The following TBC1D16 variants were observed in gnomAD, a reference collection of about 807,000 sequenced individuals.
The protein encoded by TBC1D16 is TBC1 domain family member 16.
Under a neutral mutation model 74.7 loss-of-function variants are expected in TBC1D16, and 58 were observed. That is an observed-to-expected ratio of 0.78 (90% CI 0.63 to 0.97). The LOEUF is 0.97. Ranked by LOEUF, TBC1D16 falls within the 50% of genes least tolerant of loss-of-function variation. The pLI, the probability that TBC1D16 is intolerant of heterozygous loss-of-function variation, is 0.00. For missense variants in TBC1D16, 1,014 were observed against 1,079.5 expected (o/e 0.94, Z 0.85); for synonymous variants, 493 against 474.7 (o/e 1.04, Z -0.50).
At chr17:79,978,521 C>G (rs2034439339) in intron 3 of TBC1D16, among the ~76,000 whole-genome samples, 1 of 152,234 alleles carries the variant, frequency 6.6e-6, no homozygotes, top group Non-Finnish European at 1.5e-5. Flanking sequence ...TGTACCAGGC[C>G]TTTGAGTGCT....
intron 7 of TBC1D16, among the ~76,000 whole-genome samples, chr17:79,949,311 A>T (rs1209642501): frequency 1.3e-5 from 2 of 152,214 alleles, no homozygotes; most frequent in Non-Finnish European, 2.9e-5. Flanking sequence ...AGCACAGCCC[A>T]GGGGCTTCAC....
At chr17:80,016,717 C>A (rs1295708353) in intron 1 of TBC1D16, among the ~76,000 whole-genome samples, 11 of 152,138 alleles carry the variant, frequency 7.2e-5, no homozygotes, top group Admixed American at 7.2e-4. Context: ...CAGGACCAGG[C>A]GGCTCAGCGC....
At position 80,001,929 on chromosome 17, in the gene TBC1D16, T is replaced by A. The variant is rs1470478030; in HGVS notation, c.779+8231A>T. 6.6e-6 allele frequency among the ~76,000 whole-genome samples: 1 copy of A among 152,098 alleles called. No individual in the cohort carries two copies. The highest frequency in any genetic ancestry group is 1.5e-5 in the Non-Finnish European group (1 of 68,016). On this transcript the variant is annotated intron_variant, in intron 3 of 11. Transcript: ENST00000310924. The surrounding 1 kb of genome is among the most constrained non-coding windows in gnomAD (Gnocchi z 5.8). ...AGGCTCTGATTTGCTGGGCAGCTGCTGCGCCCCGGAACAAAGACGGGAAGG... is the reference window on the plus strand; with the variant it reads ...AGGCTCTGATTTGCTGGGCAGCTGCAGCGCCCCGGAACAAAGACGGGAAGG...
chr17:79,969,435 C>A (rs2033983952), intron 3 of TBC1D16, among the ~76,000 whole-genome samples: 2 of 152,008 alleles, frequency 1.3e-5, no homozygotes, highest in African/African-American at 4.8e-5. Flanking sequence ...GTTGAGATAC[C>A]ACTCCACACC....
rs2035503345 is a variant in TBC1D16 at position 80,001,947 on chromosome 17, C to T, written c.779+8213G>A. Among the ~76,000 whole-genome samples, 1 of 152,132 alleles carries T rather than the reference C, an allele frequency of 6.6e-6. No homozygotes were observed. Among genetic ancestry groups the T allele is most frequent in the Non-Finnish European group, 1.5e-5 (1 of 68,034 alleles). On this transcript the variant is annotated intron_variant, in intron 3 of 11. Coordinates refer to ENST00000310924, the MANE Select transcript of TBC1D16 (RefSeq NM_019020.4). This position sits in a 1 kb window ranked among gnomAD's most constrained non-coding sequence, Gnocchi z 5.8. ...CAGCTGCTGCGCCCCGGAACAAAGA[C>T]GGGAAGGGCAAAGTGTGTCCTGATT...
intron 3 of TBC1D16, among the ~76,000 whole-genome samples, chr17:79,978,696 G>A (rs988554455): frequency 1.3e-5 from 2 of 152,236 alleles, no homozygotes; most frequent in African/African-American, 4.8e-5. Context: ...GGACGTGCAC[G>A]TGATGCCGTA....
At chr17:79,955,738 T>C (rs1200305898) in intron 3 of TBC1D16, among the ~76,000 whole-genome samples, 1 of 152,206 alleles carries the variant, frequency 6.6e-6, no homozygotes, top group Non-Finnish European at 1.5e-5. Context: ...ATTTCTATCA[T>C]TTTCTGAAGA....
intron 1 of TBC1D16, among the ~76,000 whole-genome samples, chr17:80,027,266 C>T (rs981363589): frequency 2.6e-5 from 4 of 152,158 alleles, no homozygotes; most frequent in Admixed American, 6.5e-5. Flanking sequence ...AGTTTGAGAC[C>T]AGCTTGGGCA....
At chr17:80,030,854 A>G (rs544184499) in intron 1 of TBC1D16, among the ~76,000 whole-genome samples, 1 of 152,328 alleles carries the variant, frequency 6.6e-6, no homozygotes, top group African/African-American at 2.4e-5. Context: ...ACTGCTCAGG[A>G]GCAACACGCA....
intron 3 of TBC1D16, among the ~76,000 whole-genome samples, chr17:79,958,700 T>C (rs1418876389): frequency 6.6e-6 from 1 of 152,216 alleles, no homozygotes; most frequent in Non-Finnish European, 1.5e-5. Context: ...CCAATGCTCA[T>C]TTATGACAAA....
chr17:79,968,041 A>G (rs1332672203), intron 3 of TBC1D16, among the ~76,000 whole-genome samples: 3 of 152,224 alleles, frequency 2.0e-5, no homozygotes, highest in African/African-American at 4.8e-5. Context: ...CACTCAGGCT[A>G]CAGTGCAGTG....
At chr17:80,028,248 T>C (rs1481689860) in intron 1 of TBC1D16, among the ~76,000 whole-genome samples, 1 of 151,872 alleles carries the variant, frequency 6.6e-6, no homozygotes, top group Admixed American at 6.6e-5. Context: ...AAAAAAAGAA[T>C]AGCCGGGCGC....
rs764042999 is a variant in TBC1D16 at position 79,971,196 on chromosome 17, T to C, written c.780-18378A>G. ...CACCACCAAGCCCGGCTAATTTGTG[T>C]ATTTTTAGTAGAGATGGGGTTTCAC... On this transcript the variant is annotated intron_variant, in intron 3 of 11. Coordinates refer to ENST00000310924, the MANE Select transcript of TBC1D16 (RefSeq NM_019020.4). The surrounding 1 kb of genome is among the most constrained non-coding windows in gnomAD (Gnocchi z 4.6). Among the ~76,000 whole-genome samples, 57 of 152,170 alleles carry C rather than the reference T, an allele frequency of 3.7e-4. No individual in the cohort carries two copies. Among genetic ancestry groups the C allele is most frequent in the Middle Eastern group, 3.4e-3 (1 of 294 alleles).
chr17:79,996,035 C>T (rs1244970334), intron 3 of TBC1D16, among the ~76,000 whole-genome samples: 1 of 152,144 alleles, frequency 6.6e-6, no homozygotes, highest in Admixed American at 6.5e-5. Context: ...TCTCAAAACT[C>T]AGTAGTCAAC....
rs8074418 is a variant in TBC1D16 at position 79,986,706 on chromosome 17, C to T, written c.779+23454G>A. On this transcript the variant is annotated intron_variant, in intron 3 of 11. Coordinates refer to ENST00000310924, the MANE Select transcript of TBC1D16 (RefSeq NM_019020.4). This position sits in a 1 kb window ranked among gnomAD's most constrained non-coding sequence, Gnocchi z 6.0. ...CATGGTGGGTGAACGGGCTTCCTCT[C>T]GGAAACCAACATCCTGGTTGGGTTT... Among the ~76,000 whole-genome samples the T allele has an allele frequency of 0.65, 99,581 of 152,044 alleles. 33,421 individuals are homozygous for T. The highest frequency in any genetic ancestry group is 0.79 in the East Asian group (4,040 of 5,128).
intron 3 of TBC1D16, among the ~76,000 whole-genome samples, chr17:79,960,344 T>A (rs975289347): frequency 6.6e-6 from 1 of 152,134 alleles, no homozygotes; most frequent in African/African-American, 2.4e-5. Context: ...CCAAGAAGCC[T>A]ATGAAAAGGT....
intron 1 of TBC1D16, among the ~76,000 whole-genome samples, chr17:80,034,503 T>G (rs1337912631): frequency 6.6e-6 from 1 of 152,152 alleles, no homozygotes; most frequent in Non-Finnish European, 1.5e-5. Flanking sequence ...CGCCCAGCCA[T>G]AAAAACTTTC....
intron 8 of TBC1D16, 130 bp downstream of exon 8, chr17:79,948,742 G>A: frequency 8.1e-7 from 1 of 1,242,122 alleles, no homozygotes; most frequent in Non-Finnish European, 1.2e-6. Context: ...CTTCACTTCT[G>A]GGGCTTTGAT....
intron 9 of TBC1D16, among the ~76,000 whole-genome samples, chr17:79,945,638 G>A (rs768722431): frequency 1.3e-5 from 2 of 152,222 alleles, no homozygotes; most frequent in African/African-American, 2.4e-5. Context: ...CAGCACTCGG[G>A]CCCAGGCCGC....
Sources: gnomAD v4.1 joint callset for allele counts (sites outside exome capture counted in the v4.1 genomes callset) on GRCh38, gnomAD v4.1.1 for gene constraint, Gnocchi (gnomAD v3.1) non-coding constraint, MANE v1.5 for transcripts, NCBI Gene and HGNC (gene_info 2026-07-23, HGNC 2026-07-21) for gene names.